NFASC: variants seen among roughly 807,000 people sequenced by gnomAD.
The protein encoded by NFASC is neurofascin.
NFASC carries 43 observed loss-of-function variants against 147.5 expected under a neutral mutation model. That is an observed-to-expected ratio of 0.29 (90% confidence interval 0.23 to 0.38). NFASC has a LOEUF of 0.38. Among genes scored for constraint, NFASC ranks in the 10% least tolerant of loss-of-function variants. The pLI, the probability that NFASC is intolerant of heterozygous loss-of-function variation, is 1.00. For missense variants in NFASC, 1,320 were observed against 1,689.0 expected (o/e 0.78, Z 3.83); for synonymous variants, 622 against 665.5 (o/e 0.93, Z 1.01).
intron 7 of NFASC, among the ~76,000 whole-genome samples, chr1:204,957,146 A>G (rs1191102322): frequency 6.6e-6 from 1 of 152,250 alleles, no homozygotes; most frequent in Non-Finnish European, 1.5e-5. Flanking sequence ...TGTTAAATGC[A>G]GCAAAGCCAA....
Position 204,974,281 on chromosome 1 carries a change from C to T in NFASC, c.1382C>T (p.Thr461Ile). The T allele has an allele frequency of 1.2e-6, 2 of 1,612,628 alleles. No homozygotes were observed. Among genetic ancestry groups the T allele is most frequent in the Non-Finnish European group, 1.7e-6 (2 of 1,178,692 alleles). Residue 461 changes from threonine (T) to isoleucine (I), a missense_variant, in exon 13 of 30, where the codon ACA (threonine) becomes ATA (isoleucine). This residue lies in a region of NFASC where 981 missense variants were observed against 1,289.5 expected (regional missense o/e 0.76). Transcript: ENST00000339876. ...CCTTTCTTTGGGTCTCCCATCCCCA[C>T]ACTGCGATGGTAAGTTCCAGGAGAT... ...DCPFFGSPIP[T>I]LRWFKNGQGS...
At chr1:204,933,560 G>A (rs1479720393) in intron 2 of NFASC, among the ~76,000 whole-genome samples, 1 of 152,172 alleles carries the variant, frequency 6.6e-6, no homozygotes, top group South Asian at 2.1e-4. Flanking sequence ...GACCCAAGAT[G>A]GGGCCTCAAA....
chr1:204,951,315 ATTT>A (rs33974199), intron 4 of NFASC, among the ~76,000 whole-genome samples: 82 of 118,810 alleles, frequency 6.9e-4, no homozygotes, highest in Middle Eastern at 4.3e-3. Flanking sequence ...TGCCCGGCTA[ATTT>A]TTTTTTTTTT....
At chr1:204,946,302 G>C in intron 3 of NFASC, 1 of 513,424 alleles carries the variant, frequency 1.9e-6, no homozygotes, top group South Asian at 1.4e-5. Flanking sequence ...ATCGCACATG[G>C]TTCTGGCAGC....
intron 7 of NFASC, among the ~76,000 whole-genome samples, chr1:204,957,454 A>G (rs1158827933): frequency 2.0e-5 from 3 of 152,346 alleles, no homozygotes. Context: ...TGCCTTTGCA[A>G]TGCTGGACAC....
chr1:204,978,288 G>T (rs2095446115), intron 17 of NFASC, among the ~76,000 whole-genome samples: 1 of 152,104 alleles, frequency 6.6e-6, no homozygotes, highest in African/African-American at 2.4e-5. Context: ...TTTATCCCAG[G>T]CCAGGATGGC....
At chr1:204,854,195 G>A (rs1328902828) in intron 1 of NFASC, among the ~76,000 whole-genome samples, 1 of 152,028 alleles carries the variant, frequency 6.6e-6, no homozygotes, top group Non-Finnish European at 1.5e-5. Context: ...TGGGTAGTGG[G>A]CTCATCAAGG....
At chr1:204,984,296 T>C in intron 21 of NFASC, 1 of 578,004 alleles carries the variant, frequency 1.7e-6, no homozygotes, top group East Asian at 2.9e-5. Flanking sequence ...GGTTAGATGT[T>C]CAAAAATATA....
chr1:204,931,716 T>C (rs1227816536), intron 2 of NFASC, among the ~76,000 whole-genome samples: 1 of 152,186 alleles, frequency 6.6e-6, no homozygotes, highest in Non-Finnish European at 1.5e-5. Context: ...TCCATGCTTG[T>C]GATCTCCCTG....
At chr1:204,843,633 TCCCTC>T (rs1676088500) in intron 1 of NFASC, among the ~76,000 whole-genome samples, 2 of 103,406 alleles carry the variant, frequency 1.9e-5, no homozygotes, top group African/African-American at 4.0e-5. Context: ...CCTTCCTCCC[TCCCTC>T]CCTCCCTCCC....
intron 1 of NFASC, among the ~76,000 whole-genome samples, chr1:204,862,758 T>G (rs1409277481): frequency 6.6e-6 from 1 of 152,174 alleles, no homozygotes; most frequent in Non-Finnish European, 1.5e-5. Context: ...TTATTATTCT[T>G]TATCTTTGGA....
intron 24 of NFASC, among the ~76,000 whole-genome samples, chr1:204,994,357 C>T (rs2095802415): frequency 6.6e-6 from 1 of 152,230 alleles, no homozygotes; most frequent in Admixed American, 6.5e-5. Flanking sequence ...TACCTCTGCC[C>T]AGCAGGGCCG....
intron 24 of NFASC, chr1:204,993,690 T>C: frequency 2.0e-6 from 1 of 490,934 alleles, no homozygotes. Flanking sequence ...AGGCTGATGG[T>C]CTCCACTGAG....
chr1:205,017,961 G>C lies in NFASC; in HGVS notation c.*1422G>C, dbSNP rs1574580105. ...AAGCCTCCAGCAACGTCTATCTCCA[G>C]GAGAGCAGGGCAGCCTATGCAAGTG... On this transcript the variant is annotated 3_prime_UTR_variant, in exon 30 of 30. Transcript: ENST00000339876. The C allele has an allele frequency of 6.5e-6, 1 of 153,064 alleles. No individual in the cohort carries two copies. The highest frequency in any genetic ancestry group is 2.4e-5 in the African/African-American group (1 of 41,466). The allele number at this position is 153,064 out of a possible 1,614,324, so 9.5% of individuals were successfully genotyped here. A position where few individuals can be genotyped will look rare whatever the true frequency, so the allele number is the denominator to read the frequency against.
In NFASC at chr1:204,968,982, G is replaced by GGTGTC; in HGVS notation, c.1003+2_1003+3insGTCGT. 6.2e-7 allele frequency: 1 copy of GGTGTC among 1,612,080 alleles called. No homozygotes were observed. The highest frequency in any genetic ancestry group is 8.5e-7 in the Non-Finnish European group (1 of 1,178,984). The stretch of plus-strand genomic sequence containing the variant: ...GCACACGATCTCGGTGAGAGTAAAG[G>GGTGTC]GTACGTTGTGTGTATTTATCATTAT... On this transcript the variant is annotated frameshift_variant and splice_region_variant. Transcript: ENST00000339876. LOFTEE classifies it high-confidence loss of function. This position sits in a 1 kb window ranked among gnomAD's most constrained non-coding sequence, Gnocchi z 5.4.
rs951420736 is a variant in NFASC, at chr1:204,968,089, A to G, written c.707-160A>G. ...GGGGCTGAGGAGCCCTGGGCTTCCT[A>G]ACACACCTCACTTAATGATGCCCAA... On this transcript the variant is annotated intron_variant, in intron 8 of 29. Coordinates refer to ENST00000339876, the MANE Select transcript of NFASC (RefSeq NM_001005388.3). The surrounding 1 kb of genome is among the most constrained non-coding windows in gnomAD (Gnocchi z 5.4). 8 of 606,848 alleles carry G rather than the reference A, an allele frequency of 1.3e-5. No individual in the cohort carries two copies. Among genetic ancestry groups the G allele is most frequent in the Non-Finnish European group, 2.1e-5 (7 of 335,106 alleles). 37.6% of individuals were successfully genotyped at this position (606,848 alleles called of 1,614,324 possible).
At chr1:204,881,535 G>C (rs997878778) in intron 1 of NFASC, among the ~76,000 whole-genome samples, 5 of 152,160 alleles carry the variant, frequency 3.3e-5, no homozygotes, top group African/African-American at 4.8e-5. Flanking sequence ...GTGGGGCCTT[G>C]TCCTGAAGAC....
At chr1:204,993,830 TCTATC>T (rs2095793302) in intron 24 of NFASC, 1 of 513,194 alleles carries the variant, frequency 1.9e-6, no homozygotes, top group South Asian at 1.4e-5. Flanking sequence ...TCGTTGCTCT[TCTATC>T]CTCTCCTCCA....
At chr1:204,882,119 G>A (rs1231319039) in intron 1 of NFASC, among the ~76,000 whole-genome samples, 5 of 152,080 alleles carry the variant, frequency 3.3e-5, no homozygotes, top group Non-Finnish European at 7.4e-5. Context: ...AGACCCTATT[G>A]CAGTGCTCCC....
Sources: allele counts gnomAD v4.1 joint callset (sites outside exome capture counted in the v4.1 genomes callset), GRCh38; gene constraint gnomAD v4.1.1; regional missense constraint gnomAD v4.1.1; non-coding constraint Gnocchi (gnomAD v3.1); transcripts MANE v1.5; gene names NCBI Gene and HGNC (gene_info 2026-07-23, HGNC 2026-07-21).